The following LRBA variants were observed in gnomAD, a reference collection of about 807,000 sequenced individuals.
The protein encoded by LRBA is lipopolysaccharide-responsive and beige-like anchor protein.
Under a neutral mutation model 330.0 loss-of-function variants are expected in LRBA, and 176 were observed. The ratio of observed to expected loss-of-function variants is 0.53; its 90% CI spans 0.47 to 0.60. The LOEUF is 0.60. Ranked by LOEUF, LRBA falls within the 20% of genes least tolerant of loss-of-function variation. The probability of loss-of-function intolerance (pLI) is 0.00; values close to 1 mark genes in which losing one functional copy is unlikely to be tolerated. For synonymous variants in LRBA, 1,230 were observed against 1,193.0 expected (o/e 1.03, Z -0.64); for missense variants, 3,259 against 3,444.8 (o/e 0.95, Z 1.35).
intron 35 of LRBA, among the ~76,000 whole-genome samples, chr4:150,759,516 T>C (rs1288658407): frequency 1.3e-5 from 2 of 152,142 alleles, no homozygotes; most frequent in African/African-American, 4.8e-5. Context: ...AAGTGCTTGC[T>C]CCAATGTTAC....
intron 36 of LRBA, among the ~76,000 whole-genome samples, chr4:150,708,384 T>C (rs983375353): frequency 1.3e-5 from 2 of 151,852 alleles, no homozygotes; most frequent in African/African-American, 4.8e-5. Flanking sequence ...TTTTATCTTT[T>C]CAATAATTCA....
At chr4:150,647,180 A>G (rs1779222606) in intron 37 of LRBA, among the ~76,000 whole-genome samples, 1 of 151,926 alleles carries the variant, frequency 6.6e-6, no homozygotes. Context: ...CTTGCAGAAT[A>G]TGTCAATATG....
intron 33 of LRBA, among the ~76,000 whole-genome samples, chr4:150,803,002 G>T (rs1321642574): frequency 7.5e-6 from 1 of 133,978 alleles, no homozygotes; most frequent in South Asian, 2.3e-4. Context: ...AGCCTGGGTG[G>T]CACGGTGAGA....
chr4:150,833,400 T>C (rs1258768737), intron 28 of LRBA, among the ~76,000 whole-genome samples: 1 of 151,984 alleles, frequency 6.6e-6, no homozygotes, highest in Non-Finnish European at 1.5e-5. Context: ...AATAAGAACA[T>C]GAAGAACACT....
intron 2 of LRBA, among the ~76,000 whole-genome samples, chr4:150,989,542 G>A (rs1444703443): frequency 2.0e-5 from 3 of 152,090 alleles, no homozygotes; most frequent in South Asian, 4.1e-4. Context: ...GAACCCGGAA[G>A]GCACAGGCTG....
chr4:150,472,041 A>G (rs1756194937), intron 42 of LRBA, among the ~76,000 whole-genome samples: 1 of 152,092 alleles, frequency 6.6e-6, no homozygotes, highest in African/African-American at 2.4e-5. Flanking sequence ...TGCTTTAATG[A>G]TATAAAAAGA....
intron 37 of LRBA, among the ~76,000 whole-genome samples, chr4:150,611,373 T>C (rs1205556163): frequency 6.6e-6 from 1 of 152,078 alleles, no homozygotes; most frequent in Non-Finnish European, 1.5e-5. Context: ...TACTAAGAAA[T>C]AGCGCTAGAC....
At chr4:151,005,556 C>A (rs1743954154) in intron 2 of LRBA, among the ~76,000 whole-genome samples, 1 of 138,486 alleles carries the variant, frequency 7.2e-6, no homozygotes, top group African/African-American at 2.8e-5. Context: ...AATAATGACA[C>A]TGTTCTTTTT....
At chr4:150,464,891 T>C (rs546497104) in intron 44 of LRBA, among the ~76,000 whole-genome samples, 3 of 152,244 alleles carry the variant, frequency 2.0e-5, no homozygotes, top group South Asian at 2.1e-4. Flanking sequence ...TGCTGGTTTC[T>C]CTTTTATTAA....
intron 40 of LRBA, among the ~76,000 whole-genome samples, chr4:150,566,445 G>T (rs879637415): frequency 2.0e-5 from 3 of 151,972 alleles, no homozygotes; most frequent in Non-Finnish European, 2.9e-5. Context: ...GATAATTCAT[G>T]AATGAATAAA....
At chr4:150,297,186 A>G (rs1351697394) in intron 53 of LRBA, among the ~76,000 whole-genome samples, 2 of 152,046 alleles carry the variant, frequency 1.3e-5, no homozygotes, top group Non-Finnish European at 2.9e-5. Flanking sequence ...TGGTACAGTC[A>G]TTTTTCTCTG....
intron 2 of LRBA, among the ~76,000 whole-genome samples, chr4:150,946,612 T>C (rs1275077315): frequency 4.6e-5 from 7 of 152,102 alleles, no homozygotes; most frequent in Non-Finnish European, 1.0e-4. Context: ...TTGTGGGCCA[T>C]ACCTGAGAGG....
intron 47 of LRBA, among the ~76,000 whole-genome samples, chr4:150,373,172 T>TGTGTGTGTGTGTGAGAGAGA (rs1283762385): frequency 1.0e-5 from 1 of 97,458 alleles, no homozygotes; most frequent in African/African-American, 4.4e-5. Context: ...TGTGTGTGTG[T>TGTGTGTGTGTGTGAGAGAGA]GAGAGAGAGA....
chr4:150,816,811 T>TA (rs1744666241), intron 31 of LRBA, among the ~76,000 whole-genome samples: 1 of 151,980 alleles, frequency 6.6e-6, no homozygotes, highest in African/African-American at 2.4e-5. Flanking sequence ...TACATCTTCT[T>TA]AAGTGCAGGG....
intron 2 of LRBA, among the ~76,000 whole-genome samples, chr4:150,986,473 T>G (rs1741478875): frequency 2.6e-5 from 4 of 152,216 alleles, no homozygotes; most frequent in Non-Finnish European, 5.9e-5. Context: ...TTTGGCCTCC[T>G]TCTTAACCAT....
chr4:150,799,045 G>A (rs6838530), intron 33 of LRBA, among the ~76,000 whole-genome samples: 132,858 of 152,094 alleles, frequency 0.87, 58,576 homozygotes, highest in Non-Finnish European at 0.95. Flanking sequence ...CATTCCCTTT[G>A]TCTTTTTATT....
chr4:150,599,709 T>A (rs1041112231), intron 37 of LRBA, among the ~76,000 whole-genome samples: 5 of 152,206 alleles, frequency 3.3e-5, no homozygotes, highest in Non-Finnish European at 7.4e-5. Flanking sequence ...TTACTCTGTT[T>A]AGATGTGCAG....
In LRBA at chr4:150,264,961, CAGT is replaced by C. The variant is rs1299189597; in HGVS notation, c.*758_*760del. Reference sequence around the variant, plus strand: ...TCATTGTCCAGGCACAGGCAAACCGCAGTAGTGAGCTTTGGTACTTGCATTTAC... The same window carrying C: ...TCATTGTCCAGGCACAGGCAAACCGCAGTGAGCTTTGGTACTTGCATTTAC... On this transcript the variant is annotated 3_prime_UTR_variant, in exon 57 of 57. Coordinates refer to ENST00000651943, the MANE Select transcript of LRBA (RefSeq NM_001364905.1). 6.6e-6 allele frequency: 1 copy of C among 152,650 alleles called. No homozygotes were observed. Among genetic ancestry groups the C allele is most frequent in the African/African-American group, 2.4e-5 (1 of 41,440 alleles). 9.5% of individuals were successfully genotyped at this position (152,650 alleles called of 1,614,324 possible).
At chr4:150,990,929 A>G (rs1741999307) in intron 2 of LRBA, among the ~76,000 whole-genome samples, 1 of 152,046 alleles carries the variant, frequency 6.6e-6, no homozygotes, top group Admixed American at 6.6e-5. Flanking sequence ...TGAGAGGCAC[A>G]AGAATCACTT....
Sources: gnomAD v4.1 joint callset for allele counts (sites outside exome capture counted in the v4.1 genomes callset) on GRCh38, gnomAD v4.1.1 for gene constraint, MANE v1.5 for transcripts, NCBI Gene and HGNC (gene_info 2026-07-23, HGNC 2026-07-21) for gene names.